Variants in SGSM1 observed in about 807,000 individuals in gnomAD.
The protein encoded by SGSM1 is RUN and TBC1 domain containing 2.
Under a neutral mutation model 133.8 loss-of-function variants are expected in SGSM1, and 73 were observed. The ratio of observed to expected loss-of-function variants is 0.55; its 90% CI spans 0.45 to 0.66. The LOEUF (loss-of-function observed/expected upper bound fraction) is 0.66, where lower values mean the gene tolerates loss of function less well. Among genes scored for constraint, SGSM1 ranks in the 30% least tolerant of loss-of-function variants. SGSM1 has a pLI of 0.00. For missense variants in SGSM1, 1,213 were observed against 1,448.1 expected, an observed-to-expected ratio of 0.84 and a Z score of 2.64; for synonymous variants, 563 against 573.0, an observed-to-expected ratio of 0.98 and a Z score of 0.25.
intron 22 of SGSM1, among the ~76,000 whole-genome samples, chr22:24,916,863 A>G (rs1933837704): frequency 6.6e-6 from 1 of 151,912 alleles, no homozygotes; most frequent in South Asian, 2.1e-4. Context: ...ACAGATTTTT[A>G]TGTGGATATG....
At chr22:24,825,948 G>C (rs5752009) in intron 2 of SGSM1, among the ~76,000 whole-genome samples, 58,034 of 152,084 alleles carry the variant, frequency 0.38, 13,115 homozygotes, top group East Asian at 0.83. Flanking sequence ...GATTCAGCAG[G>C]CCTCAGAGGA....
At chr22:24,807,867 G>A (rs764283120) in intron 2 of SGSM1, among the ~76,000 whole-genome samples, 2 of 150,034 alleles carry the variant, frequency 1.3e-5, no homozygotes, top group Non-Finnish European at 3.0e-5. Flanking sequence ...TCCGTCCTCC[G>A]GGAGCATGAG....
chr22:24,809,217 C>T (rs1927593585), intron 2 of SGSM1, among the ~76,000 whole-genome samples: 1 of 152,162 alleles, frequency 6.6e-6, no homozygotes, highest in African/African-American at 2.4e-5. Context: ...GTCAGAGAGC[C>T]AGTCTCTAGT....
At chr22:24,902,668 C>T (rs1933208808) in intron 20 of SGSM1, among the ~76,000 whole-genome samples, 1 of 151,914 alleles carries the variant, frequency 6.6e-6, no homozygotes, top group Admixed American at 6.6e-5. Flanking sequence ...GCCTGGGTGA[C>T]AGAGTAAGAC....
At chr22:24,875,025 T>A (rs1931960967) in intron 12 of SGSM1, among the ~76,000 whole-genome samples, 1 of 152,164 alleles carries the variant, frequency 6.6e-6, no homozygotes, top group South Asian at 2.1e-4. Context: ...TCCTCTTCTG[T>A]CTGTGGGTAG....
rs374948289 is a variant in SGSM1 at position 24,888,535 on chromosome 22, A to T, written c.1770+1807A>T. The stretch of plus-strand genomic sequence containing the variant: ...ATAATCCCAGCACTTTGGGAGGCCG[A>T]GGCAGGTGGATCACCTGAGGTCAGG... On this transcript the variant is annotated intron_variant, in intron 16 of 24. Transcript: ENST00000400358. Among the ~76,000 whole-genome samples the T allele has an allele frequency of 6.6e-5, 10 of 152,298 alleles. No homozygotes were observed. In the South Asian group the frequency reaches 1.2e-3, roughly 19 times the overall value.
At chr22:24,919,190 G>A (rs549919384) in intron 23 of SGSM1, among the ~76,000 whole-genome samples, 13 of 151,802 alleles carry the variant, frequency 8.6e-5, no homozygotes, top group African/African-American at 3.1e-4. Flanking sequence ...TGGGATTACA[G>A]GCACCTGCCA....
At chr22:24,827,581 G>A (rs980644322) in intron 2 of SGSM1, among the ~76,000 whole-genome samples, 12 of 152,142 alleles carry the variant, frequency 7.9e-5, no homozygotes, top group East Asian at 1.9e-4. Context: ...CTCAGCAGCC[G>A]GCCGTTCACC....
At chr22:24,818,708 C>G (rs967380660) in intron 2 of SGSM1, among the ~76,000 whole-genome samples, 1 of 151,880 alleles carries the variant, frequency 6.6e-6, no homozygotes, top group Non-Finnish European at 1.5e-5. Context: ...AGGGATATGC[C>G]AAAACACTGG....
chr22:24,845,947 T>TTCTTTCTTTCTTTCTTTCTTTCTC (rs1569144657), intron 3 of SGSM1, among the ~76,000 whole-genome samples: 9 of 56,522 alleles, frequency 1.6e-4, no homozygotes, highest in African/African-American at 4.7e-4. Context: ...TTTCTTTTCT[T>TTCTTTCTTTCTTTCTTTCTTTCTC]TCTTTCTTTC....
At chr22:24,906,113 C>G (rs1306287108) in intron 21 of SGSM1, among the ~76,000 whole-genome samples, 1 of 152,034 alleles carries the variant, frequency 6.6e-6, no homozygotes, top group East Asian at 1.9e-4. Flanking sequence ...GTTTGACATG[C>G]AAAAATCAAT....
In SGSM1 at chr22:24,833,011, T is replaced by C. The variant is rs1390604847; in HGVS notation, c.64-11886T>C. On this transcript the variant is annotated intron_variant, in intron 2 of 24. Coordinates refer to ENST00000400358, the MANE Select transcript of SGSM1 (RefSeq NM_001098497.3). The stretch of plus-strand genomic sequence containing the variant: ...AGACAGTGGCGCGATCTTGGCTCAC[T>C]GCAACCTCTGCCTCCTGGGTTCAAG... 2.0e-5 allele frequency among the ~76,000 whole-genome samples: 3 copies of C among 152,054 alleles called. No homozygotes were observed. In the East Asian group the frequency reaches 5.9e-4, roughly 30 times the overall value.
Position 24,924,347 on chromosome 22 carries a change from G to A in SGSM1, c.*73G>A. The A allele has an allele frequency of 7.3e-7, 1 of 1,375,304 alleles. No individual in the cohort carries two copies. The highest frequency in any genetic ancestry group is 1.0e-6 in the Non-Finnish European group (1 of 971,626). 85.2% of individuals were successfully genotyped at this position (1,375,304 alleles called of 1,614,324 possible). On this transcript the variant is annotated 3_prime_UTR_variant, in exon 25 of 25. Coordinates refer to ENST00000400358, the MANE Select transcript of SGSM1 (RefSeq NM_001098497.3). ...CCTCTGCTTACTTTTCCTCCTGGCT[G>A]GATGGGCACCCCGGGAGCGGGGTCC...
chr22:24,905,747 C>A (rs1933353195), intron 21 of SGSM1, among the ~76,000 whole-genome samples: 1 of 150,196 alleles, frequency 6.7e-6, no homozygotes, highest in African/African-American at 2.5e-5. Flanking sequence ...CGAGATCACA[C>A]CACTGTACTC....
In SGSM1 at chr22:24,812,904, C is replaced by T. The variant is rs149894340; in HGVS notation, c.63+6420C>T. 3.3e-5 allele frequency among the ~76,000 whole-genome samples: 5 copies of T among 152,314 alleles called. No homozygotes were observed. The East Asian group carries it at 9.6e-4, about 29-fold the overall frequency. On this transcript the variant is annotated intron_variant, in intron 2 of 24. Transcript: ENST00000400358. ...AGAAGTGAGTAAAGCAATGTCTTTG[C>T]TCATATGCCCTCATTCAGTGTACAG...
At chr22:24,895,197 C>G in intron 17 of SGSM1, 26 bp from the exon 18 acceptor site, 1 of 1,591,902 alleles carries the variant, frequency 6.3e-7, no homozygotes, top group Non-Finnish European at 8.5e-7. Flanking sequence ...CTCACCCTCC[C>G]TCCCTCCTGC....
At chr22:24,880,472 A>C (rs1461801051) in intron 14 of SGSM1, among the ~76,000 whole-genome samples, 1 of 152,160 alleles carries the variant, frequency 6.6e-6, no homozygotes. Flanking sequence ...CCCCAGCCTG[A>C]CAGCCTAGAT....
intron 5 of SGSM1, among the ~76,000 whole-genome samples, chr22:24,854,228 A>G (rs1383915747): frequency 6.6e-6 from 1 of 152,144 alleles, no homozygotes; most frequent in Non-Finnish European, 1.5e-5. Flanking sequence ...AGTGCTCTCA[A>G]TATTAGTTAT....
intron 2 of SGSM1, among the ~76,000 whole-genome samples, chr22:24,840,616 T>C (rs981991483): frequency 2.0e-5 from 3 of 152,178 alleles, no homozygotes; most frequent in Admixed American, 6.5e-5. Context: ...GTGCTGGGAT[T>C]ACAGGTGTGA....
Sources: allele counts gnomAD v4.1 joint callset (sites outside exome capture counted in the v4.1 genomes callset), GRCh38; gene constraint gnomAD v4.1.1; transcripts MANE v1.5; gene names NCBI Gene and HGNC (gene_info 2026-07-23, HGNC 2026-07-21).